The following IPO7 variants were observed in gnomAD, a reference collection of about 807,000 sequenced individuals.
The protein encoded by IPO7 is importin-7.
A neutral mutation model predicts 136.4 loss-of-function variants in IPO7; 13 were observed. The observed-to-expected ratio is 0.10, with a 90% CI of 0.06 to 0.15. The LOEUF (loss-of-function observed/expected upper bound fraction) is 0.15, where lower values mean the gene tolerates loss of function less well. Among genes scored for constraint, IPO7 ranks in the 10% least tolerant of loss-of-function variants. IPO7 has a pLI of 1.00. For synonymous variants in IPO7, 403 were observed against 404.4 expected (o/e 1.00, Z 0.04); for missense variants, 857 against 1,240.6 (o/e 0.69, Z 4.65).
chr11:9,423,773 G>A lies in IPO7; in HGVS notation c.1042-4G>A. ...TTATTGTTTTCTTAACTTTTAAATT[G>A]CAGGGCATTATCCAAGATGTTATTT... On this transcript the variant is annotated splice_region_variant and splice_polypyrimidine_tract_variant and intron_variant, in intron 9 of 24. Transcript: ENST00000379719. 1 of 1,547,970 alleles carries A rather than the reference G, an allele frequency of 6.5e-7. No individual in the cohort carries two copies. Among genetic ancestry groups the A allele is most frequent in the Non-Finnish European group, 8.8e-7 (1 of 1,140,820 alleles).
chr11:9,420,558 A>G (rs1324981066), intron 7 of IPO7, 53 bp downstream of exon 7: 4 of 1,569,672 alleles, frequency 2.5e-6, no homozygotes, highest in Non-Finnish European at 3.5e-6. Flanking sequence ...GTTTTGCTTT[A>G]AAGTGCTAGC....
chr11:9,402,436 G>T (rs974770797), intron 1 of IPO7, among the ~76,000 whole-genome samples: 1 of 136,926 alleles, frequency 7.3e-6, no homozygotes, highest in African/African-American at 2.8e-5. Context: ...AAGAATGCTA[G>T]TTGGGGGTCA....
At chr11:9,405,860 TTCCTTCCCTTCCTCCTTTCCC>T (rs1854875307) in intron 2 of IPO7, among the ~76,000 whole-genome samples, 1 of 152,082 alleles carries the variant, frequency 6.6e-6, no homozygotes, top group Non-Finnish European at 1.5e-5. Flanking sequence ...CCTTCCTTTC[TTCCTTCCCTTCCTCCTTTCCC>T]TCCTTCTCTT....
intron 6 of IPO7, among the ~76,000 whole-genome samples, chr11:9,419,885 T>A (rs1241591040): frequency 4.6e-5 from 7 of 152,176 alleles, no homozygotes; most frequent in Non-Finnish European, 2.9e-5. Context: ...CTATACTATT[T>A]AGATCTTGGC....
chr11:9,421,405 A>G (rs1488588071), intron 8 of IPO7, among the ~76,000 whole-genome samples: 82 of 145,066 alleles, frequency 5.7e-4, no homozygotes, highest in Middle Eastern at 8.8e-3. Context: ...CAGGGCGGGC[A>G]GATCACGAGG....
At chr11:9,410,453 CT>C (rs893378941) in intron 4 of IPO7, among the ~76,000 whole-genome samples, 1 of 151,788 alleles carries the variant, frequency 6.6e-6, no homozygotes, top group Non-Finnish European at 1.5e-5. Flanking sequence ...TTACTTGTGG[CT>C]TTTTTTTCTG....
At chr11:9,393,017 T>C (rs536836736) in intron 1 of IPO7, among the ~76,000 whole-genome samples, 2 of 151,662 alleles carry the variant, frequency 1.3e-5, no homozygotes, top group African/African-American at 2.4e-5. Flanking sequence ...AGTGATTACA[T>C]TGGAAAATGT....
At chr11:9,403,411 G>C in intron 2 of IPO7, 40 bp downstream of exon 2, 1 of 1,432,586 alleles carries the variant, frequency 7.0e-7, no homozygotes, top group Non-Finnish European at 9.8e-7. Flanking sequence ...GTAATCTATT[G>C]TTTAAAAGGT....
intron 9 of IPO7, among the ~76,000 whole-genome samples, 195 bp from the exon 10 acceptor site, chr11:9,423,582 A>T (rs1855163925): frequency 6.6e-6 from 1 of 152,194 alleles, no homozygotes; most frequent in South Asian, 2.1e-4. Context: ...CATATATCTT[A>T]AAGTTACTTG....
chr11:9,432,680 T>C (rs910015632), intron 16 of IPO7, among the ~76,000 whole-genome samples: 1 of 152,174 alleles, frequency 6.6e-6, no homozygotes, highest in African/African-American at 2.4e-5. Flanking sequence ...GTGGATATTA[T>C]TTTACCCTTC....
intron 6 of IPO7, among the ~76,000 whole-genome samples, chr11:9,419,559 A>AAAAAAAAAAAATATATATAT (rs1256216265): frequency 8.6e-6 from 1 of 116,848 alleles, no homozygotes; most frequent in African/African-American, 3.7e-5. Flanking sequence ...AAAAAAAAAA[A>AAAAAAAAAAAATATATATAT]ATATATATAT....
chr11:9,419,403 C>T (rs1410406270), intron 6 of IPO7, among the ~76,000 whole-genome samples: 2 of 151,548 alleles, frequency 1.3e-5, no homozygotes, highest in African/African-American at 2.4e-5. Context: ...CAAACATTAG[C>T]TGGGCGTGGT....
intron 4 of IPO7, 93 bp downstream of exon 4, chr11:9,410,179 A>G: frequency 1.2e-6 from 1 of 818,644 alleles, no homozygotes; most frequent in Non-Finnish European, 1.7e-6. Flanking sequence ...TATATTTAGC[A>G]TAGATAATAA....
intron 16 of IPO7, 37 bp downstream of exon 16, chr11:9,431,040 A>G: frequency 6.3e-7 from 1 of 1,590,458 alleles, no homozygotes; most frequent in Non-Finnish European, 8.6e-7. Flanking sequence ...TTTTCAAGCC[A>G]TTTTATGCTT....
intron 14 of IPO7, 43 bp downstream of exon 14, chr11:9,429,239 G>A: frequency 1.3e-6 from 2 of 1,522,114 alleles, no homozygotes; most frequent in Non-Finnish European, 1.8e-6. Context: ...TGTTGGCCAG[G>A]TGCGGTAGGT....
At chr11:9,389,156 G>A (rs901330417) in intron 1 of IPO7, among the ~76,000 whole-genome samples, 1 of 151,780 alleles carries the variant, frequency 6.6e-6, no homozygotes, top group South Asian at 2.1e-4. Flanking sequence ...AGGTTCAAGC[G>A]ATTCTCAGTC....
intron 16 of IPO7, 58 bp downstream of exon 16, chr11:9,431,061 T>A (rs930454409): frequency 7.2e-7 from 1 of 1,383,702 alleles, no homozygotes; most frequent in Admixed American, 1.8e-5. Context: ...TTTAGAGGGC[T>A]CTAATATCTC....
At chr11:9,427,178 CT>C (rs1322597636) in intron 12 of IPO7, among the ~76,000 whole-genome samples, 8 of 152,232 alleles carry the variant, frequency 5.3e-5, no homozygotes, top group African/African-American at 1.9e-4. Flanking sequence ...GGTTATTTGT[CT>C]TTTTATAATT....
At chr11:9,398,572 G>A (rs1854748152) in intron 1 of IPO7, among the ~76,000 whole-genome samples, 1 of 152,234 alleles carries the variant, frequency 6.6e-6, no homozygotes, top group Non-Finnish European at 1.5e-5. Context: ...ATGAAGTCAT[G>A]TGTTTCTTTT....
Sources: gnomAD v4.1 joint callset for allele counts (sites outside exome capture counted in the v4.1 genomes callset) on GRCh38, gnomAD v4.1.1 for gene constraint, MANE v1.5 for transcripts, NCBI Gene and HGNC (gene_info 2026-07-23, HGNC 2026-07-21) for gene names.